PCDHGA3: variants seen among roughly 807,000 people sequenced by gnomAD.
The protein encoded by PCDHGA3 is protocadherin gamma-A3.
Under a neutral mutation model 58.5 loss-of-function variants are expected in PCDHGA3, and 40 were observed. The ratio of observed to expected loss-of-function variants is 0.68; its 90% CI spans 0.53 to 0.89. The LOEUF is 0.89. Ranked by LOEUF, PCDHGA3 falls within the 40% of genes least tolerant of loss-of-function variation. The pLI, the probability that PCDHGA3 is intolerant of heterozygous loss-of-function variation, is 0.00. For synonymous variants in PCDHGA3, 530 were observed against 525.7 expected (o/e 1.01, Z -0.11); for missense variants, 1,223 against 1,195.9 (o/e 1.02, Z -0.33).
In PCDHGA3 at chr5:141,489,514, C is replaced by T. The variant is rs141377711; in HGVS notation, c.2425-5293C>T. 63 of 1,613,926 alleles carry T rather than the reference C, an allele frequency of 3.9e-5. No homozygotes were observed. The highest frequency in any genetic ancestry group is 6.7e-5 in the Admixed American group (4 of 60,004). ...CCTGGCAGTGAATCAAAAGATTGAC[C>T]GAGAAAGCCTATGTGGAGCCAGCAC... On this transcript the variant is annotated intron_variant, in intron 1 of 3. Coordinates refer to ENST00000253812, the MANE Select transcript of PCDHGA3 (RefSeq NM_018916.4). This position sits in a 1 kb window ranked among gnomAD's most constrained non-coding sequence, Gnocchi z 4.5.
intron 1 of PCDHGA3, among the ~76,000 whole-genome samples, chr5:141,354,039 G>A (rs1054364737): frequency 1.4e-4 from 22 of 152,148 alleles, no homozygotes; most frequent in Admixed American, 1.3e-3. Context: ...GAAAGCGATG[G>A]CACATGCAAT....
Position 141,432,694 on chromosome 5 carries a change from C to A in PCDHGA3, c.2425-62113C>A. 1 of 1,613,936 alleles carries A rather than the reference C, an allele frequency of 6.2e-7. No homozygotes were observed. The highest frequency in any genetic ancestry group is 8.5e-7 in the Non-Finnish European group (1 of 1,179,964). On this transcript the variant is annotated intron_variant, in intron 1 of 3. Transcript: ENST00000253812. This position sits in a 1 kb window ranked among gnomAD's most constrained non-coding sequence, Gnocchi z 6.0. Reference sequence around the variant, plus strand: ...CGCTCAAGCAGAGCCTCGTAGTGGCCGTCCAGGACCACGGCCAGCCCCCTC... The same window carrying A: ...CGCTCAAGCAGAGCCTCGTAGTGGCAGTCCAGGACCACGGCCAGCCCCCTC...
intron 1 of PCDHGA3, chr5:141,414,643 C>G (rs765652709): frequency 1.2e-6 from 2 of 1,613,942 alleles, no homozygotes; most frequent in Non-Finnish European, 8.5e-7. Flanking sequence ...AGAGAATGCC[C>G]AGATTATTTA....
rs1006751011 is a variant in PCDHGA3, at chr5:141,431,033, C to T, written c.2425-63774C>T. ...CTTGGTCACGGCGGGCAGGATAGAC[C>T]GGGAGGAGCTCTGTATGGGGGCCAT... On this transcript the variant is annotated intron_variant, in intron 1 of 3. Coordinates refer to ENST00000253812, the MANE Select transcript of PCDHGA3 (RefSeq NM_018916.4). This position sits in a 1 kb window ranked among gnomAD's most constrained non-coding sequence, Gnocchi z 4.8. 1.2e-6 allele frequency: 2 copies of T among 1,613,864 alleles called. No homozygotes were observed. The highest frequency in any genetic ancestry group is 1.3e-5 in the African/African-American group (1 of 74,924).
At chr5:141,463,367 C>G (rs1437952082) in intron 1 of PCDHGA3, among the ~76,000 whole-genome samples, 1 of 151,748 alleles carries the variant, frequency 6.6e-6, no homozygotes, top group African/African-American at 2.4e-5. Context: ...CCTTTCCTGC[C>G]CCACAGTCTG....
At chr5:141,475,866 C>T in intron 1 of PCDHGA3, 1 of 504,862 alleles carries the variant, frequency 2.0e-6, no homozygotes, top group South Asian at 2.9e-5. Context: ...GCTCATTCTT[C>T]GTGCAGTTAT....
rs746318177 is a variant in PCDHGA3 at position 141,431,715 on chromosome 5, T to G, written c.2425-63092T>G. On this transcript the variant is annotated intron_variant, in intron 1 of 3. Coordinates refer to ENST00000253812, the MANE Select transcript of PCDHGA3 (RefSeq NM_018916.4). The surrounding 1 kb of genome is among the most constrained non-coding windows in gnomAD (Gnocchi z 4.8). Reference sequence around the variant, plus strand: ...GAGTCAGGATTCTACCAGATGGAAGTGCAAGCAATGGATAATGCAGGATAT... The same window carrying G: ...GAGTCAGGATTCTACCAGATGGAAGGGCAAGCAATGGATAATGCAGGATAT... 5.6e-6 allele frequency: 9 copies of G among 1,614,178 alleles called. No homozygotes were observed. The highest frequency in any genetic ancestry group is 6.8e-6 in the Non-Finnish European group (8 of 1,180,042).
chr5:141,397,648 C>T (rs1045102412), intron 1 of PCDHGA3, among the ~76,000 whole-genome samples: 5 of 152,148 alleles, frequency 3.3e-5, no homozygotes, highest in African/African-American at 1.2e-4. Context: ...GGTATGTTTG[C>T]AGAATGGTGA....
intron 3 of PCDHGA3, chr5:141,507,000 TGA>T (rs1235660361): frequency 1.3e-5 from 2 of 152,218 alleles, no homozygotes; most frequent in African/African-American, 4.8e-5. Flanking sequence ...ACTCGACAGA[TGA>T]GAGAACCGAG....
intron 1 of PCDHGA3, among the ~76,000 whole-genome samples, chr5:141,467,475 T>C (rs2099144764): frequency 6.6e-6 from 1 of 152,248 alleles, no homozygotes; most frequent in Non-Finnish European, 1.5e-5. Flanking sequence ...GCATGGTTTT[T>C]GGTTTCCACA....
At chr5:141,428,987 T>G (rs1185184865) in intron 1 of PCDHGA3, 2 of 152,288 alleles carry the variant, frequency 1.3e-5, no homozygotes, top group Non-Finnish European at 2.9e-5. Context: ...CCCGGGTAGC[T>G]GGGACTACAG....
In PCDHGA3 at chr5:141,431,841, C is replaced by T; in HGVS notation, c.2425-62966C>T. The T allele has an allele frequency of 6.2e-7, 1 of 1,614,246 alleles. No homozygotes were observed. Among genetic ancestry groups the T allele is most frequent in the Non-Finnish European group, 8.5e-7 (1 of 1,180,044 alleles). ...GCCAGCTCGGTTCCCGAAAACTCTC[C>T]CAGAGGGACATTAATTGCCCTTTTA... On this transcript the variant is annotated intron_variant, in intron 1 of 3. Coordinates refer to ENST00000253812, the MANE Select transcript of PCDHGA3 (RefSeq NM_018916.4). The surrounding 1 kb of genome is among the most constrained non-coding windows in gnomAD (Gnocchi z 4.8).
chr5:141,478,822 T>A, intron 1 of PCDHGA3: 2 of 1,444,070 alleles, frequency 1.4e-6, no homozygotes, highest in South Asian at 1.5e-5. Context: ...AACTAACCAA[T>A]CTTGCTAAGG....
At chr5:141,428,204 C>T (rs756271858) in intron 1 of PCDHGA3, 23 of 1,324,604 alleles carry the variant, frequency 1.7e-5, no homozygotes, top group Admixed American at 5.5e-5. Flanking sequence ...TGCGCCGCTA[C>T]GCTTCACCTA....
chr5:141,490,417 C>A lies in PCDHGA3; in HGVS notation c.2425-4390C>A, dbSNP rs767996336. ...AGTGAGCCTTGATATCTCTCCGGAC[C>A]TGCCATTTCAGATTAAGCCTTCTGA... On this transcript the variant is annotated intron_variant, in intron 1 of 3. Transcript: ENST00000253812. The surrounding 1 kb of genome is among the most constrained non-coding windows in gnomAD (Gnocchi z 5.4). 4.3e-6 allele frequency: 7 copies of A among 1,614,196 alleles called. No homozygotes were observed. In the South Asian group the frequency reaches 7.7e-5, roughly 18 times the overall value.
At chr5:141,478,050 C>G (rs2099429383) in intron 1 of PCDHGA3, 2 of 1,614,184 alleles carry the variant, frequency 1.2e-6, no homozygotes, top group South Asian at 2.2e-5. Context: ...CAGACTCTCA[C>G]GGTCTTGATC....
At position 141,357,430 on chromosome 5, in the gene PCDHGA3, G is replaced by A. The variant is rs772627679; in HGVS notation, c.2424+10973G>A. ...GCCTGCCTCGCACTTTGTGGGCGTG[G>A]ACGGGGTTCGGGCTTTCCTGCAGAC... is the stretch of plus-strand genomic sequence containing the variant. On this transcript the variant is annotated intron_variant, in intron 1 of 3. Coordinates refer to ENST00000253812, the MANE Select transcript of PCDHGA3 (RefSeq NM_018916.4). 25 of 1,614,218 alleles carry A rather than the reference G, an allele frequency of 1.5e-5. No individual in the cohort carries two copies. The South Asian group carries it at 2.6e-4, about 17-fold the overall frequency.
chr5:141,427,704 G>A (rs2097059746), intron 1 of PCDHGA3: 1 of 966,116 alleles, frequency 1.0e-6, no homozygotes, highest in Non-Finnish European at 1.6e-6. Flanking sequence ...ACAAGTCAGC[G>A]CCTCTGACCT....
intron 1 of PCDHGA3, chr5:141,393,960 G>T: frequency 6.2e-7 from 1 of 1,613,944 alleles, no homozygotes; most frequent in South Asian, 1.1e-5. Context: ...TGGTCAAGTT[G>T]TCTGTTACAC....
Sources: allele counts gnomAD v4.1 joint callset (sites outside exome capture counted in the v4.1 genomes callset), GRCh38; gene constraint gnomAD v4.1.1; non-coding constraint Gnocchi (gnomAD v3.1); transcripts MANE v1.5; gene names NCBI Gene and HGNC (gene_info 2026-07-23, HGNC 2026-07-21).